Variants in CLPTM1 observed in about 807,000 individuals in gnomAD.
The protein encoded by CLPTM1 is putative lipid scramblase CLPTM1.
In CLPTM1, 21 loss-of-function variants were observed where a neutral mutation model predicts 77.3. The observed-to-expected ratio is 0.27, with a 90% CI of 0.19 to 0.39. The LOEUF (loss-of-function observed/expected upper bound fraction) is 0.39, where lower values mean the gene tolerates loss of function less well. Ranked by LOEUF, CLPTM1 falls within the 10% of genes least tolerant of loss-of-function variation. The pLI is 1.00. For synonymous variants in CLPTM1, 373 were observed against 381.0 expected (o/e 0.98, Z 0.24); for missense variants, 642 against 921.2 (o/e 0.70, Z 3.92).
At position 44,991,098 on chromosome 19, in the gene CLPTM1, G is replaced by A; in HGVS notation, c.1420-140G>A. ...CCATCTGCCATAACTGCTTCCCTGG[G>A]CGAGTCCGGAGTCCCCAGGGCTACC... On this transcript the variant is annotated intron_variant, in intron 11 of 13. Transcript: ENST00000337392. This position sits in a 1 kb window ranked among gnomAD's most constrained non-coding sequence, Gnocchi z 5.4. 1 of 1,433,646 alleles carries A rather than the reference G, an allele frequency of 7.0e-7. No homozygotes were observed. The highest frequency in any genetic ancestry group is 9.6e-7 in the Non-Finnish European group (1 of 1,043,624). 88.8% of individuals were successfully genotyped at this position (1,433,646 alleles called of 1,614,324 possible). A position where few individuals can be genotyped will look rare whatever the true frequency, so the allele number is the denominator to read the frequency against.
intron 2 of CLPTM1, among the ~76,000 whole-genome samples, chr19:44,963,078 C>T (rs204914): frequency 0.065 from 9,731 of 149,904 alleles, 364 homozygotes; most frequent in African/African-American, 0.1. Flanking sequence ...TGTGGTGGCA[C>T]GTGCCTGTAG....
intron 6 of CLPTM1, among the ~76,000 whole-genome samples, chr19:44,985,793 C>T (rs1004898243): frequency 6.6e-6 from 1 of 151,410 alleles, no homozygotes; most frequent in Non-Finnish European, 1.5e-5. Flanking sequence ...GACTTCCTCT[C>T]TCTGCGGGTG....
At chr19:44,962,552 G>C (rs1970560790) in intron 2 of CLPTM1, among the ~76,000 whole-genome samples, 1 of 152,094 alleles carries the variant, frequency 6.6e-6, no homozygotes, top group African/African-American at 2.4e-5. Flanking sequence ...GTGTGTGTCT[G>C]TGTCCTAAGC....
Position 44,967,756 on chromosome 19 carries a change from A to G in CLPTM1, c.186-5331A>G, listed in dbSNP as rs571856380. Among the ~76,000 whole-genome samples, 4 of 152,144 alleles carry G rather than the reference A, an allele frequency of 2.6e-5. No homozygotes were observed. The East Asian group carries it at 7.7e-4, about 29-fold the overall frequency. ...GCCTGGTGTCCTCCAAGAGTGTCAC[A>G]CAGGACACTGAGAAACTGCAGGAAA... On this transcript the variant is annotated intron_variant, in intron 2 of 13. Coordinates refer to ENST00000337392, the MANE Select transcript of CLPTM1 (RefSeq NM_001294.4).
chr19:44,964,840 C>A (rs568545572), intron 2 of CLPTM1, among the ~76,000 whole-genome samples: 1 of 152,318 alleles, frequency 6.6e-6, no homozygotes, highest in African/African-American at 2.4e-5. Context: ...AATCAGACAG[C>A]ATTTGTCCTT....
Position 44,990,076 on chromosome 19 carries a change from A to G in CLPTM1, c.1133-319A>G. ...CCTCAGGGAAGCAGCTTCCCTGACCAGTCCTTAGCACCTGGCACGTGGTGA... is the reference window on the plus strand; with the variant it reads ...CCTCAGGGAAGCAGCTTCCCTGACCGGTCCTTAGCACCTGGCACGTGGTGA... On this transcript the variant is annotated intron_variant, in intron 9 of 13. Transcript: ENST00000337392. The surrounding 1 kb of genome is among the most constrained non-coding windows in gnomAD (Gnocchi z 4.8). The G allele has an allele frequency of 2.9e-6, 1 of 343,244 alleles. No homozygotes were observed. The highest frequency in any genetic ancestry group is 5.3e-6 in the Non-Finnish European group (1 of 188,348). 21.3% of individuals were successfully genotyped at this position (343,244 alleles called of 1,614,324 possible).
upstream of CLPTM1, chr19:44,955,227 T>C (rs1747288300): frequency 6.6e-7 from 1 of 1,516,396 alleles, no homozygotes; most frequent in African/African-American, 1.4e-5. Flanking sequence ...GGTGGCCAGG[T>C]TGGTCCTTCC....
At chr19:44,972,900 C>G (rs1423939722) in intron 2 of CLPTM1, among the ~76,000 whole-genome samples, 187 bp from the exon 3 acceptor site, 1 of 152,070 alleles carries the variant, frequency 6.6e-6, no homozygotes, top group African/African-American at 2.4e-5. Flanking sequence ...GGCTCCCTCC[C>G]CAGATGTGGT....
chr19:44,985,200 C>G lies in CLPTM1; in HGVS notation c.587-18C>G. 9 of 1,607,098 alleles carry G rather than the reference C, an allele frequency of 5.6e-6. No individual in the cohort carries two copies. Among genetic ancestry groups the G allele is most frequent in the Non-Finnish European group, 6.0e-6 (7 of 1,174,266 alleles). The stretch of plus-strand genomic sequence containing the variant: ...CAGCAGGTCTCACGTCCCCTCCTTT[C>G]CCACCTCCCAACCACAGTGATCAAC... On this transcript the variant is annotated intron_variant, in intron 5 of 13. Transcript: ENST00000337392.
chr19:44,955,093 A>G, upstream of CLPTM1: 1 of 1,535,740 alleles, frequency 6.5e-7, no homozygotes, highest in Non-Finnish European at 8.7e-7. Flanking sequence ...AAGGCGGGTT[A>G]ATGTGAAGGG....
chr19:44,977,510 C>A, intron 5 of CLPTM1, 50 bp downstream of exon 5: 1 of 1,368,888 alleles, frequency 7.3e-7, no homozygotes, highest in Non-Finnish European at 1.0e-6. Context: ...GGCCAGCATC[C>A]TGGGAGCCCC....
chr19:44,991,526 C>A lies in CLPTM1; in HGVS notation c.1555+153C>A, dbSNP rs911219125. Among the ~76,000 whole-genome samples the A allele has an allele frequency of 6.6e-6, 1 of 152,186 alleles. No individual in the cohort carries two copies. Among genetic ancestry groups the A allele is most frequent in the Admixed American group, 6.5e-5 (1 of 15,278 alleles). On this transcript the variant is annotated intron_variant, in intron 12 of 13. Coordinates refer to ENST00000337392, the MANE Select transcript of CLPTM1 (RefSeq NM_001294.4). The surrounding 1 kb of genome is among the most constrained non-coding windows in gnomAD (Gnocchi z 5.4). The stretch of plus-strand genomic sequence containing the variant: ...GGCCCGAGGGCACACATGGCCCCAT[C>A]TGGGGTCAGAGAGGACTTCAGGGAG...
chr19:44,981,999 A>T (rs1198999728), intron 5 of CLPTM1, among the ~76,000 whole-genome samples: 2 of 152,152 alleles, frequency 1.3e-5, no homozygotes, highest in African/African-American at 4.8e-5. Context: ...ACATATGATC[A>T]GTATAAAAAG....
rs888618510 is a variant in CLPTM1, at chr19:44,991,702, G to C, written c.1555+329G>C. Among the ~76,000 whole-genome samples the C allele has an allele frequency of 3.3e-5, 5 of 152,062 alleles. No individual in the cohort carries two copies. Among genetic ancestry groups the C allele is most frequent in the African/African-American group, 4.8e-5 (2 of 41,390 alleles). On this transcript the variant is annotated intron_variant, in intron 12 of 13. Transcript: ENST00000337392. This position sits in a 1 kb window ranked among gnomAD's most constrained non-coding sequence, Gnocchi z 5.4. ...GAGGATCACTTGAGCCCAGGAATTC[G>C]TGACCAGCCTGGGCAACTTGGCAAG...
Position 44,955,397 on chromosome 19 carries a change from T to TGGC in CLPTM1, c.10_12dup (p.Ala4dup). On this transcript the variant is annotated inframe_insertion, in exon 1 of 14. Transcript: ENST00000337392. Reference sequence around the variant, plus strand: ...GGGGCGGGGACCCGGAGCGGGAAGATGGCGGCGGCGCAGGAGGCGGACGGG... The same window carrying TGGC: ...GGGGCGGGGACCCGGAGCGGGAAGATGGCGGCGGCGGCGCAGGAGGCGGACGGG... 1 of 1,310,238 alleles carries TGGC rather than the reference T, an allele frequency of 7.6e-7. No homozygotes were observed. Among genetic ancestry groups the TGGC allele is most frequent in the Non-Finnish European group, 9.7e-7 (1 of 1,029,488 alleles). 81.2% of individuals were successfully genotyped at this position (1,310,238 alleles called of 1,614,324 possible).
At chr19:44,960,549 G>T (rs551727699) in intron 1 of CLPTM1, among the ~76,000 whole-genome samples, 22 of 152,222 alleles carry the variant, frequency 1.4e-4, no homozygotes, top group Non-Finnish European at 3.1e-4. Context: ...TGCTTTGGGA[G>T]ATTACAGGAA....
At chr19:44,978,098 A>G (rs981454353) in intron 5 of CLPTM1, among the ~76,000 whole-genome samples, 7 of 150,182 alleles carry the variant, frequency 4.7e-5, no homozygotes, top group Non-Finnish European at 1.0e-4. Context: ...TGACAGACCG[A>G]GAACCTGTCT....
chr19:44,960,762 G>A (rs1029803762), intron 1 of CLPTM1, among the ~76,000 whole-genome samples: 13 of 152,194 alleles, frequency 8.5e-5, no homozygotes, highest in Admixed American at 2.0e-4. Context: ...TGACCTGAGC[G>A]TCCGGGGTGA....
chr19:44,983,060 CAA>C (rs36001989), intron 5 of CLPTM1, among the ~76,000 whole-genome samples: 147 of 111,774 alleles, frequency 1.3e-3, no homozygotes, highest in African/African-American at 4.4e-3. Flanking sequence ...GACTCCATCT[CAA>C]AAAAAAAAAA....
Sources: allele counts gnomAD v4.1 joint callset (sites outside exome capture counted in the v4.1 genomes callset), GRCh38; gene constraint gnomAD v4.1.1; non-coding constraint Gnocchi (gnomAD v3.1); transcripts MANE v1.5; gene names NCBI Gene and HGNC (gene_info 2026-07-23, HGNC 2026-07-21).